Variants in GABRE observed in about 807,000 individuals in gnomAD.
The protein encoded by GABRE is gamma-aminobutyric acid type A receptor subunit epsilon.
Under a neutral mutation model 31.0 loss-of-function variants are expected in GABRE, and 20 were observed. That is an observed-to-expected ratio of 0.64 (90% CI 0.45 to 0.94). The LOEUF (loss-of-function observed/expected upper bound fraction) is 0.94. GABRE is among the 40% of genes least tolerant of loss of function. The pLI is 0.00. For synonymous variants in GABRE, 155 were observed against 150.6 expected (o/e 1.03, Z -0.21); for missense variants, 420 against 410.7 (o/e 1.02, Z -0.20).
At chrX:151,971,792 G>C (rs7472127) in intron 1 of GABRE, 14,225 of 110,862 alleles carry the variant, frequency 0.13, 813 homozygotes, top group Admixed American at 0.28. Flanking sequence ...TTTCCTTTGG[G>C]GAGGAAAGTG....
chrX:151,963,369 T>C (rs1184850798), intron 3 of GABRE, among the ~76,000 whole-genome samples: 5 of 112,405 alleles, frequency 4.4e-5, no homozygotes, highest in Non-Finnish European at 9.4e-5. Context: ...TCTGCAAGGA[T>C]TGCACAGTCA....
chrX:151,957,435 G>T, intron 6 of GABRE: 1 of 330,469 alleles, frequency 3.0e-6, no homozygotes, highest in Non-Finnish European at 5.9e-6. Flanking sequence ...CCTCGCACTT[G>T]CCTACTGGCC....
intron 1 of GABRE, among the ~76,000 whole-genome samples, chrX:151,974,208 C>T (rs902290775): frequency 8.9e-6 from 1 of 112,036 alleles, no homozygotes; most frequent in Admixed American, 9.4e-5. Flanking sequence ...CCTGCCCTGG[C>T]CGGTCACCCC....
chrX:151,974,074 T>TA (rs1194637523), intron 1 of GABRE, among the ~76,000 whole-genome samples: 3 of 110,428 alleles, frequency 2.7e-5, no homozygotes, highest in Admixed American at 1.9e-4. Flanking sequence ...TAGGCACTCT[T>TA]AAAAAAAATG....
At chrX:151,955,914 T>C in intron 6 of GABRE, 54 bp from the exon 7 acceptor site, 1 of 1,144,143 alleles carries the variant, frequency 8.7e-7, no homozygotes. Context: ...ACGGTCCCCC[T>C]TAGCAGGACG....
rs759486126 is a variant in GABRE, at chrX:151,955,871, C to CA, written c.785-12dup. ...TGACCATGAAGTCACCTGAAAGACA[C>CA]AAAAAACATCACTGCATTACAGTGC... On this transcript the variant is annotated splice_polypyrimidine_tract_variant and intron_variant, in intron 6 of 8. Transcript: ENST00000370328. 69 of 1,207,780 alleles carry CA rather than the reference C, an allele frequency of 5.7e-5. No individual in the cohort carries two copies. Among genetic ancestry groups the CA allele is most frequent in the Non-Finnish European group, 7.5e-5 (67 of 893,480 alleles).
chrX:151,970,058 A>G, intron 2 of GABRE, 127 bp downstream of exon 2: 1 of 1,131,416 alleles, frequency 8.8e-7, no homozygotes, highest in Non-Finnish European at 1.2e-6. Context: ...CTTACCTGAC[A>G]GGTCAATAGC....
At position 151,955,469 on chromosome X, in the gene GABRE, T is replaced by G. The variant is rs1291616625; in HGVS notation, c.1036A>C (p.Ile346Leu). 8.3e-7 allele frequency: 1 copy of G among 1,211,594 alleles called. No individual in the cohort carries two copies. The highest frequency in any genetic ancestry group is 2.2e-5 in the Admixed American group (1 of 46,114). ...GCGCAGAAGCAGAAGACGAAGCAGA[T>G]GGCGATATAGAAATCCAAGGCTGTG... Reference protein sequence around the residue: ...YITALDFYIAICFVFCFCALL... With the variant: ...YITALDFYIALCFVFCFCALL... Residue 346 changes from isoleucine (I) to leucine (L), a missense_variant, in exon 8 of 9, where the codon ATC becomes CTC. Transcript: ENST00000370328.
chrX:151,969,807 G>C (rs1250163325), intron 2 of GABRE, 71 bp from the exon 3 acceptor site: 1 of 1,172,401 alleles, frequency 8.5e-7, no homozygotes, highest in Non-Finnish European at 1.1e-6. Flanking sequence ...GAAGTGGTCA[G>C]AGGGGATGAA....
chrX:151,968,707 C>G (rs193103456), intron 3 of GABRE, among the ~76,000 whole-genome samples: 60 of 111,995 alleles, frequency 5.4e-4, no homozygotes, highest in Admixed American at 2.3e-3. Context: ...GCAAGTGATT[C>G]TTGCAGAGCA....
At chrX:151,969,282 A>G in intron 3 of GABRE, 1 of 119,325 alleles carries the variant, frequency 8.4e-6, no homozygotes, top group Non-Finnish European at 1.7e-5. Flanking sequence ...CTATGATGAT[A>G]CGAGTGGAAA....
intron 1 of GABRE, chrX:151,972,435 G>C: frequency 1.3e-6 from 1 of 753,957 alleles, no homozygotes; most frequent in Non-Finnish European, 1.6e-6. Flanking sequence ...TAAAATGAGT[G>C]ATGTGGCTGG....
Position 151,962,524 on chromosome X carries a change from G to A in GABRE, c.462C>T (p.Asp154=). 2 of 1,210,767 alleles carry A rather than the reference G, an allele frequency of 1.7e-6. No individual in the cohort carries two copies. The highest frequency in any genetic ancestry group is 2.2e-6 in the Non-Finnish European group (2 of 894,984). The change falls in exon 4 of 9, where the codon GAC becomes GAT. Residue 154 remains aspartate (D), a synonymous_variant. Coordinates refer to ENST00000370328, the MANE Select transcript of GABRE (RefSeq NM_004961.4). ...GNVVSQLWIP[D]TFFRNSKRTH... ...TCCTCTTAGAATTCCTAAAAAAGGT[G>A]TCCGGGATCCATAGCTGGCTCACCA... is the stretch of plus-strand genomic sequence containing the variant.
chrX:151,958,368 C>A (rs1355809776), intron 6 of GABRE: 5 of 250,474 alleles, frequency 2.0e-5, no homozygotes, highest in Non-Finnish European at 2.9e-5. Flanking sequence ...TAAGTATGCT[C>A]CAGATGGAGA....
At chrX:151,967,982 T>C (rs1199374075) in intron 3 of GABRE, among the ~76,000 whole-genome samples, 4 of 112,650 alleles carry the variant, frequency 3.6e-5, no homozygotes, top group African/African-American at 9.7e-5. Context: ...ATGAGGAGAA[T>C]ACCACAGAAG....
intron 1 of GABRE, chrX:151,972,384 C>G (rs1395486299): frequency 9.3e-6 from 7 of 751,619 alleles, no homozygotes; most frequent in Middle Eastern, 7.4e-4. Context: ...GGGCCAGTGA[C>G]TATGGGAAGA....
At chrX:151,958,336 G>C in intron 6 of GABRE, 1 of 233,798 alleles carries the variant, frequency 4.3e-6, no homozygotes, top group Non-Finnish European at 7.9e-6. Flanking sequence ...ACTGCATTCT[G>C]AACCCTTAAT....
intron 1 of GABRE, chrX:151,972,589 A>G: frequency 1.3e-6 from 1 of 753,995 alleles, no homozygotes; most frequent in Non-Finnish European, 1.6e-6. Flanking sequence ...AAAAGTGCAG[A>G]GGCAAACAAA....
intron 1 of GABRE, chrX:151,971,641 A>G: frequency 8.1e-6 from 1 of 123,348 alleles, no homozygotes; most frequent in Middle Eastern, 4.0e-3. Flanking sequence ...GTAAAAGAAA[A>G]TAAGAGTGGC....
Sources: allele counts gnomAD v4.1 joint callset (sites outside exome capture counted in the v4.1 genomes callset), GRCh38; gene constraint gnomAD v4.1.1; transcripts MANE v1.5; gene names NCBI Gene and HGNC (gene_info 2026-07-23, HGNC 2026-07-21).